The following TMEM178B variants were observed in gnomAD, a reference collection of about 807,000 sequenced individuals.
The protein encoded by TMEM178B is transmembrane protein 178B.
Under a neutral mutation model 31.0 loss-of-function variants are expected in TMEM178B, and 5 were observed. The observed-to-expected ratio is 0.16, with a 90% CI of 0.08 to 0.34. The LOEUF (loss-of-function observed/expected upper bound fraction) is 0.34, where lower values mean the gene tolerates loss of function less well. Ranked by LOEUF, TMEM178B falls within the 10% of genes least tolerant of loss-of-function variation. TMEM178B has a pLI of 1.00. For missense variants in TMEM178B, 275 were observed against 400.3 expected (o/e 0.69, Z 2.67); for synonymous variants, 164 against 164.0 (o/e 1.00, Z 0.00).
At chr7:141,468,098 A>G (rs116720296) in intron 3 of TMEM178B, among the ~76,000 whole-genome samples, 5,364 of 152,174 alleles carry the variant, frequency 0.035, 258 homozygotes, top group African/African-American at 0.11. Flanking sequence ...TTTCACATGT[A>G]CAATCCATTT....
chr7:141,451,964 G>A (rs1417855855), intron 3 of TMEM178B, among the ~76,000 whole-genome samples: 1 of 152,104 alleles, frequency 6.6e-6, no homozygotes, highest in South Asian at 2.1e-4. Context: ...CCTCACTAGG[G>A]TTGACCTAGC....
At chr7:141,165,612 GGA>G (rs1387535127) in intron 1 of TMEM178B, among the ~76,000 whole-genome samples, 4 of 152,166 alleles carry the variant, frequency 2.6e-5, no homozygotes, top group Non-Finnish European at 4.4e-5. Context: ...ACTCAAGGAA[GGA>G]ACATTCAGCT....
chr7:141,114,133 C>G (rs1795279252), intron 1 of TMEM178B, among the ~76,000 whole-genome samples: 1 of 152,214 alleles, frequency 6.6e-6, no homozygotes, highest in African/African-American at 2.4e-5. Context: ...TGCATTGATT[C>G]TATAGGAATT....
intron 1 of TMEM178B, among the ~76,000 whole-genome samples, chr7:141,191,231 A>AT (rs1796690913): frequency 6.6e-6 from 1 of 152,144 alleles, no homozygotes; most frequent in African/African-American, 2.4e-5. Context: ...ATTGCCTTCC[A>AT]TTGCATGCAT....
the TMEM178B span, among the ~76,000 whole-genome samples, chr7:141,488,629 G>A: frequency 1.2e-4 from 18 of 152,036 alleles, no homozygotes; most frequent in African/African-American, 3.1e-4. Flanking sequence ...TAGTAGAGAC[G>A]GGGTTTTCCC....
intron 1 of TMEM178B, among the ~76,000 whole-genome samples, chr7:141,179,023 G>A (rs1223227726): frequency 1.3e-5 from 2 of 152,138 alleles, no homozygotes; most frequent in Non-Finnish European, 2.9e-5. Flanking sequence ...GCTTAGTTGA[G>A]GTTGATCTGT....
intron 1 of TMEM178B, among the ~76,000 whole-genome samples, chr7:141,138,044 A>G (rs951835900): frequency 2.0e-5 from 3 of 151,726 alleles, no homozygotes; most frequent in African/African-American, 4.8e-5. Context: ...TATTTTCATG[A>G]GATCTCTTTT....
At chr7:141,159,512 T>A (rs1249597169) in intron 1 of TMEM178B, among the ~76,000 whole-genome samples, 1 of 152,210 alleles carries the variant, frequency 6.6e-6, no homozygotes, top group Non-Finnish European at 1.5e-5. Flanking sequence ...TGTTCATAAA[T>A]GCATTATTCA....
At chr7:141,502,497 C>T in the TMEM178B span, among the ~76,000 whole-genome samples, 3 of 152,310 alleles carry the variant, frequency 2.0e-5, no homozygotes, top group Admixed American at 2.0e-4. Flanking sequence ...GCTGGCTGGG[C>T]GTGGTGGCTC....
chr7:141,100,369 G>T (rs1429184575), intron 1 of TMEM178B, among the ~76,000 whole-genome samples: 1 of 152,000 alleles, frequency 6.6e-6, no homozygotes, highest in African/African-American at 2.4e-5. Flanking sequence ...TTCTCACTTT[G>T]CTCTCTGTAT....
the TMEM178B span, among the ~76,000 whole-genome samples, chr7:141,494,729 C>A: frequency 6.6e-6 from 1 of 152,122 alleles, no homozygotes; most frequent in Non-Finnish European, 1.5e-5. Flanking sequence ...TGTAGTAAAA[C>A]CTCGTCTCTA....
At chr7:141,382,397 A>G (rs1483709429) in intron 2 of TMEM178B, among the ~76,000 whole-genome samples, 3 of 152,282 alleles carry the variant, frequency 2.0e-5, no homozygotes, top group Admixed American at 2.0e-4. Context: ...ATTTTAAAGG[A>G]TGGGTCCCAG....
chr7:141,121,064 T>C lies in TMEM178B; in HGVS notation c.382+46372T>C, dbSNP rs536787655. Among the ~76,000 whole-genome samples, 621 of 152,172 alleles carry C rather than the reference T, an allele frequency of 4.1e-3. 9 individuals are homozygous for C. Among genetic ancestry groups the C allele is most frequent in the African/African-American group, 0.014 (589 of 41,528 alleles). ...CTTTCTAGCATACTTGATTGGATTA[T>C]AGTCCTTATACCTCATCCTTCCACC... On this transcript the variant is annotated intron_variant, in intron 1 of 3. Transcript: ENST00000565468.
chr7:141,259,376 C>A (rs1179265256), intron 2 of TMEM178B, among the ~76,000 whole-genome samples: 1 of 152,058 alleles, frequency 6.6e-6, no homozygotes, highest in African/African-American at 2.4e-5. Context: ...TCCTTTAATT[C>A]TTTGAGCATA....
chr7:141,135,235 A>T (rs1296252215), intron 1 of TMEM178B, among the ~76,000 whole-genome samples: 1 of 152,236 alleles, frequency 6.6e-6, no homozygotes, highest in Non-Finnish European at 1.5e-5. Flanking sequence ...TATAAAGCAA[A>T]TATTATTAAA....
At chr7:141,410,504 C>T (rs906899522) in intron 2 of TMEM178B, among the ~76,000 whole-genome samples, 2 of 144,254 alleles carry the variant, frequency 1.4e-5, no homozygotes, top group Non-Finnish European at 3.0e-5. Context: ...TCCTTCCTTC[C>T]CTCCTTCCTT....
At chr7:141,290,879 C>T (rs1798534437) in intron 2 of TMEM178B, among the ~76,000 whole-genome samples, 1 of 152,212 alleles carries the variant, frequency 6.6e-6, no homozygotes, top group South Asian at 2.1e-4. Context: ...CGTCCACCTT[C>T]AAGCTGTGTC....
chr7:141,507,960 T>C, the TMEM178B span, among the ~76,000 whole-genome samples: 15 of 152,340 alleles, frequency 9.8e-5, no homozygotes, highest in Middle Eastern at 3.4e-3. Flanking sequence ...CCCATGATCT[T>C]GGGCATTAAC....
In TMEM178B at chr7:141,245,170, CAAAAAAAAAAAAAAAAAAAAAAA is replaced by C. The variant is rs59281560; in HGVS notation, c.496+32484_496+32506del. On this transcript the variant is annotated intron_variant, in intron 2 of 3. Transcript: ENST00000565468. Reference sequence around the variant, plus strand: ...GGGTGACAGAGCAAGACTCCATCACCAAAAAAAAAAAAAAAAAAAAAAAAAAAAAAAAAAAAAAAAGAAGGATG... The same window carrying C: ...GGGTGACAGAGCAAGACTCCATCACCAAAAAAAAAAAAAAAAAGAAGGATG... 4.0e-3 allele frequency among the ~76,000 whole-genome samples: 92 copies of C among 23,116 alleles called. 1 individual carries two copies. Among genetic ancestry groups the C allele is most frequent in the South Asian group, 7.3e-3 (5 of 686 alleles). 15.2% of individuals were successfully genotyped at this position (23,116 alleles called of 152,430 possible).
Sources: gnomAD v4.1 joint callset for allele counts (sites outside exome capture counted in the v4.1 genomes callset) on GRCh38, gnomAD v4.1.1 for gene constraint, MANE v1.5 for transcripts, NCBI Gene and HGNC (gene_info 2026-07-23, HGNC 2026-07-21) for gene names.